ANKRD45: variants seen among roughly 807,000 people sequenced by gnomAD.
The protein encoded by ANKRD45 is ankyrin repeat domain 45.
A neutral mutation model predicts 28.1 loss-of-function variants in ANKRD45; 21 were observed. That is an observed-to-expected ratio of 0.75 (90% confidence interval 0.53 to 1.08). The LOEUF (loss-of-function observed/expected upper bound fraction) is 1.08, where lower values mean the gene tolerates loss of function less well. Ranked by LOEUF, ANKRD45 falls within the 50% of genes least tolerant of loss-of-function variation. The probability of loss-of-function intolerance (pLI) is 0.00; values close to 1 mark genes in which losing one functional copy is unlikely to be tolerated. For missense variants in ANKRD45, 261 were observed against 308.7 expected, an observed-to-expected ratio of 0.85 and a Z score of 1.16; for synonymous variants, 86 against 103.9, an observed-to-expected ratio of 0.83 and a Z score of 1.05.
chr1:173,613,708 G>A (rs56157228), intron 5 of ANKRD45, among the ~76,000 whole-genome samples: 6 of 146,104 alleles, frequency 4.1e-5, no homozygotes, highest in East Asian at 2.0e-4. Flanking sequence ...GCCTCTGCCC[G>A]GCCGCCCCTT....
At chr1:173,638,737 C>T (rs192616321) in intron 3 of ANKRD45, among the ~76,000 whole-genome samples, 124 of 152,324 alleles carry the variant, frequency 8.1e-4, no homozygotes, top group Admixed American at 2.6e-3. Context: ...AGGTGGCTTA[C>T]TGACTCCAGA....
intron 3 of ANKRD45, among the ~76,000 whole-genome samples, chr1:173,638,181 C>T (rs894812432): frequency 6.6e-6 from 1 of 151,878 alleles, no homozygotes; most frequent in Non-Finnish European, 1.5e-5. Context: ...TAAGGAACCA[C>T]CGAAAGGGAA....
chr1:173,683,125 A>C, the ANKRD45 span, among the ~76,000 whole-genome samples: 1 of 146,648 alleles, frequency 6.8e-6, no homozygotes, highest in Non-Finnish European at 1.5e-5. Flanking sequence ...ACAGAAACAA[A>C]CAACAAAAAA....
intron 3 of ANKRD45, among the ~76,000 whole-genome samples, chr1:173,627,926 A>G (rs1668010844): frequency 6.6e-6 from 1 of 151,244 alleles, no homozygotes. Flanking sequence ...TGCAACTTGG[A>G]TACCAGCTCA....
the ANKRD45 span, among the ~76,000 whole-genome samples, chr1:173,709,608 T>C: frequency 1.3e-5 from 2 of 151,954 alleles, no homozygotes; most frequent in African/African-American, 2.4e-5. Context: ...CTCTAGACCA[T>C]ATCTGGGCAC....
the ANKRD45 span, among the ~76,000 whole-genome samples, chr1:173,676,013 G>A: frequency 3.3e-5 from 5 of 152,038 alleles, no homozygotes; most frequent in Non-Finnish European, 5.9e-5. Context: ...GGGGCTCTTG[G>A]GTCTGTCAGA....
At chr1:173,661,906 T>C (rs1481111497) in intron 1 of ANKRD45, among the ~76,000 whole-genome samples, 2 of 152,106 alleles carry the variant, frequency 1.3e-5, no homozygotes, top group African/African-American at 4.8e-5. Context: ...CACTAGGAAA[T>C]AACAGGGAAG....
At chr1:173,702,486 G>A in the ANKRD45 span, among the ~76,000 whole-genome samples, 6 of 152,296 alleles carry the variant, frequency 3.9e-5, no homozygotes, top group African/African-American at 1.4e-4. Context: ...GCTAAAGGCA[G>A]AGCCTTGGGG....
At chr1:173,667,788 G>A (rs1356104490) in intron 1 of ANKRD45, 2 of 409,724 alleles carry the variant, frequency 4.9e-6, no homozygotes, top group Admixed American at 3.2e-5. Context: ...ATCTGAAAAA[G>A]CTATTAAAAT....
At chr1:173,688,887 T>TC in the ANKRD45 span, among the ~76,000 whole-genome samples, 2 of 151,906 alleles carry the variant, frequency 1.3e-5, no homozygotes, top group Non-Finnish European at 2.9e-5. Context: ...TATGCTGTTC[T>TC]CCCCTCTCCT....
chr1:173,653,953 GC>G (rs1216588999), intron 2 of ANKRD45, among the ~76,000 whole-genome samples: 1 of 56,202 alleles, frequency 1.8e-5, no homozygotes, highest in Non-Finnish European at 3.3e-5. Flanking sequence ...CTTTCCATTT[GC>G]TTGGTAGATC....
At chr1:173,613,653 G>A (rs1185976615) in intron 5 of ANKRD45, among the ~76,000 whole-genome samples, 1 of 147,690 alleles carries the variant, frequency 6.8e-6, no homozygotes, top group Non-Finnish European at 1.5e-5. Context: ...GAGGAGGGGG[G>A]TCAGCCCCCG....
intron 2 of ANKRD45, among the ~76,000 whole-genome samples, chr1:173,650,038 C>T (rs1235090168): frequency 5.3e-5 from 8 of 152,124 alleles, no homozygotes; most frequent in African/African-American, 1.9e-4. Flanking sequence ...GACATATATA[C>T]ATTTCGTGTG....
chr1:173,693,376 A>C, the ANKRD45 span, among the ~76,000 whole-genome samples: 1 of 152,122 alleles, frequency 6.6e-6, no homozygotes, highest in Non-Finnish European at 1.5e-5. Context: ...TATTCTTTCT[A>C]TCTCTCTATC....
chr1:173,713,601 T>C, the ANKRD45 span, among the ~76,000 whole-genome samples: 265 of 152,152 alleles, frequency 1.7e-3, no homozygotes, highest in African/African-American at 6.2e-3. Flanking sequence ...GAATCTAGGA[T>C]TGGCCTTTTT....
the ANKRD45 span, among the ~76,000 whole-genome samples, chr1:173,700,052 G>C: frequency 6.6e-6 from 1 of 152,096 alleles, no homozygotes; most frequent in Non-Finnish European, 1.5e-5. Context: ...GCCAAATCAC[G>C]TGTGACTTCC....
the ANKRD45 span, among the ~76,000 whole-genome samples, chr1:173,712,680 T>C: frequency 2.0e-5 from 3 of 152,160 alleles, no homozygotes; most frequent in African/African-American, 7.2e-5. Flanking sequence ...AGAATTTACA[T>C]TGTAGCACTG....
chr1:173,683,718 G>A, the ANKRD45 span, among the ~76,000 whole-genome samples: 1 of 152,212 alleles, frequency 6.6e-6, no homozygotes, highest in Non-Finnish European at 1.5e-5. Context: ...AAAAGGTTGA[G>A]GATGCACCTG....
the ANKRD45 span, among the ~76,000 whole-genome samples, chr1:173,684,112 GGAATGAGTTAGGGTGGAGCAGCTGATCC>G: frequency 6.6e-6 from 1 of 151,966 alleles, no homozygotes; most frequent in African/African-American, 2.4e-5. Context: ...GCAGCTGATC[GGAATGAGTTAGGGTGGAGCAGCTGATCC>G]GAATGAGTTA....
Sources: allele counts gnomAD v4.1 joint callset (sites outside exome capture counted in the v4.1 genomes callset), GRCh38; gene constraint gnomAD v4.1.1; transcripts MANE v1.5; gene names NCBI Gene and HGNC (gene_info 2026-07-23, HGNC 2026-07-21).